MFN2: variants seen among roughly 807,000 people sequenced by gnomAD.
The protein encoded by MFN2 is mitofusin 2.
Under a neutral mutation model 87.5 loss-of-function variants are expected in MFN2, and 43 were observed. The ratio of observed to expected loss-of-function variants is 0.49; its 90% CI spans 0.38 to 0.63. The LOEUF (loss-of-function observed/expected upper bound fraction) is 0.63. MFN2 is among the 30% of genes least tolerant of loss of function. MFN2 has a pLI of 0.00. For missense variants in MFN2, 743 were observed against 972.8 expected, an observed-to-expected ratio of 0.76 and a Z score of 3.14; for synonymous variants, 337 against 359.9, an observed-to-expected ratio of 0.94 and a Z score of 0.72.
At chr1:11,993,447 A>G (rs1638778673) in intron 4 of MFN2, among the ~76,000 whole-genome samples, 1 of 152,190 alleles carries the variant, frequency 6.6e-6, no homozygotes, top group African/African-American at 2.4e-5. Context: ...CAAAGAATCT[A>G]AAAATATGCC....
intron 2 of MFN2, among the ~76,000 whole-genome samples, chr1:11,986,215 G>GATT (rs1638400273): frequency 1.3e-5 from 2 of 152,160 alleles, no homozygotes; most frequent in African/African-American, 4.8e-5. Context: ...TACCTCTTCC[G>GATT]GGTGTTCTTT....
rs1184895463 is a variant in MFN2 at position 12,003,620 on chromosome 1, T to A, written c.1161-372T>A. On this transcript the variant is annotated intron_variant, in intron 11 of 18. Coordinates refer to ENST00000235329, the MANE Select transcript of MFN2 (RefSeq NM_014874.4). This position sits in a 1 kb window ranked among gnomAD's most constrained non-coding sequence, Gnocchi z 4.1. ...TGGAGGTTGCAGTGAGTGGAGATCG[T>A]GCCATTGCACTCCAGCCTGGGCAAC... Among the ~76,000 whole-genome samples the A allele has an allele frequency of 6.7e-6, 1 of 150,016 alleles. No individual in the cohort carries two copies. Among genetic ancestry groups the A allele is most frequent in the African/African-American group, 2.5e-5 (1 of 40,548 alleles).
At chr1:11,988,084 T>TTGTG (rs112373136) in intron 2 of MFN2, among the ~76,000 whole-genome samples, 21 of 144,340 alleles carry the variant, frequency 1.5e-4, no homozygotes, top group African/African-American at 4.5e-4. Context: ...CCAATAGTTT[T>TTGTG]TGTGTGTGTG....
rs546254672 is a variant in MFN2, at chr1:11,992,551, C to G, written c.176-4C>G. Reference sequence around the variant, plus strand: ...GGTGACCCATTTTCAATCCCCACCTCCAGACACGTACAGGAATGCAGAACT... The same window carrying G: ...GGTGACCCATTTTCAATCCCCACCTGCAGACACGTACAGGAATGCAGAACT... On this transcript the variant is annotated splice_region_variant and splice_polypyrimidine_tract_variant and intron_variant, in intron 3 of 18. Coordinates refer to ENST00000235329, the MANE Select transcript of MFN2 (RefSeq NM_014874.4). The G allele has an allele frequency of 6.2e-7, 1 of 1,614,182 alleles. No homozygotes were observed. The highest frequency in any genetic ancestry group is 2.2e-5 in the East Asian group (1 of 44,880).
At chr1:11,984,105 G>T (rs374097381) in intron 2 of MFN2, among the ~76,000 whole-genome samples, 1 of 152,236 alleles carries the variant, frequency 6.6e-6, no homozygotes, top group East Asian at 1.9e-4. Flanking sequence ...TGTACACGCT[G>T]TCGAGTCTTG....
chr1:11,989,858 A>G (rs114741339), intron 3 of MFN2, among the ~76,000 whole-genome samples: 2,242 of 152,242 alleles, frequency 0.015, 31 homozygotes, highest in Non-Finnish European at 0.023. Context: ...ACTAGTTACT[A>G]ATTTGAGCCC....
intron 2 of MFN2, among the ~76,000 whole-genome samples, chr1:11,988,512 T>C (rs1638528803): frequency 6.6e-6 from 1 of 151,846 alleles, no homozygotes; most frequent in South Asian, 2.1e-4. Context: ...GTGCTGGGAT[T>C]ATAGGTATGA....
At chr1:11,995,654 G>A (rs905100579) in intron 4 of MFN2, among the ~76,000 whole-genome samples, 3 of 151,398 alleles carry the variant, frequency 2.0e-5, no homozygotes, top group Non-Finnish European at 2.9e-5. Context: ...AAAAAAAAAA[G>A]AATGAGAAAG....
Position 11,998,780 on chromosome 1 carries a change from G to A in MFN2, c.610G>A (p.Asp204Asn), listed in dbSNP as rs781651055. ...DLVLMDSPGI[D>N]VTTELDSWID... ...CCCTGTCACCTTTAGCCCTGGTATTGATGTCACCACAGAGCTGGACAGCTG... is the reference window on the plus strand; with the variant it reads ...CCCTGTCACCTTTAGCCCTGGTATTAATGTCACCACAGAGCTGGACAGCTG... The change falls in exon 7 of 19, where the codon GAT becomes AAT. Residue 204 changes from aspartate to asparagine, a missense_variant. Around this residue, in one of 3 missense-constraint regions of MFN2, gnomAD observed 141 missense variants for 278.9 expected, o/e 0.51. Transcript: ENST00000235329. 5 of 1,614,112 alleles carry A rather than the reference G, an allele frequency of 3.1e-6. No individual in the cohort carries two copies. The Admixed American group carries it at 6.7e-5, about 22-fold the overall frequency.
At chr1:12,006,495 A>T (rs756453302) in intron 15 of MFN2, 43 bp from the exon 16 acceptor site, 2 of 1,610,662 alleles carry the variant, frequency 1.2e-6, no homozygotes, top group Non-Finnish European at 1.7e-6. Context: ...TGAATGAGAG[A>T]CTCAATACGT....
intron 3 of MFN2, among the ~76,000 whole-genome samples, chr1:11,990,748 T>C (rs1407533441): frequency 6.6e-6 from 1 of 152,132 alleles, no homozygotes; most frequent in Non-Finnish European, 1.5e-5. Context: ...GGCTCTCGCT[T>C]TTAAGTGTAG....
Position 12,013,422 on chromosome 1 carries a change from T to C in MFN2, c.*1857T>C, listed in dbSNP as rs1429202873. The stretch of plus-strand genomic sequence containing the variant: ...TGCTGACACAGTGAGTTTTCTCTGA[T>C]GTATTTAAGGTGATGTATTTGCTTG... On this transcript the variant is annotated 3_prime_UTR_variant, in exon 19 of 19. Transcript: ENST00000235329. 6.4e-6 allele frequency: 3 copies of C among 470,008 alleles called. No individual in the cohort carries two copies. The highest frequency in any genetic ancestry group is 2.4e-5 in the Admixed American group (1 of 42,144). 29.1% of individuals were successfully genotyped at this position (470,008 alleles called of 1,614,324 possible). A position where few individuals can be genotyped will look rare whatever the true frequency, so the allele number is the denominator to read the frequency against.
chr1:11,991,720 C>G (rs895587921), intron 3 of MFN2, among the ~76,000 whole-genome samples: 10 of 151,744 alleles, frequency 6.6e-5, no homozygotes, highest in African/African-American at 2.2e-4. Flanking sequence ...GTCAGGAGAT[C>G]GAGACCATCC....
rs141914119 is a variant in MFN2, at chr1:11,984,366, GGAGA to G, written c.-5+2256_-5+2259del. Among the ~76,000 whole-genome samples the G allele has an allele frequency of 4.5e-3, 683 of 152,282 alleles. 8 individuals carry two copies. The highest frequency in any genetic ancestry group is 0.042 in the East Asian group (219 of 5,186). On this transcript the variant is annotated intron_variant, in intron 2 of 18. Transcript: ENST00000235329. ...CCCTCCCTGAAGGCTGGGTGTTCATGGAGAGAGTCTTGTGATCTTGCTGGTAGAG... is the reference window on the plus strand; with the variant it reads ...CCCTCCCTGAAGGCTGGGTGTTCATGGAGTCTTGTGATCTTGCTGGTAGAG...
chr1:11,990,744 C>T (rs542788392), intron 3 of MFN2, among the ~76,000 whole-genome samples: 7 of 152,256 alleles, frequency 4.6e-5, no homozygotes, highest in African/African-American at 1.2e-4. Flanking sequence ...TGCTGGCTCT[C>T]GCTTTTAAGT....
chr1:12,007,958 A>G (rs1436266701), intron 17 of MFN2, among the ~76,000 whole-genome samples: 1 of 152,014 alleles, frequency 6.6e-6, no homozygotes, highest in Non-Finnish European at 1.5e-5. Context: ...GACTCTTGAC[A>G]AGCATGCTGC....
Position 11,996,312 on chromosome 1 carries a change from T to G in MFN2, c.468T>G (p.Ser156Arg). ...LLTEGSEEKR[S>R]AKTVNQLAHA... ...CCGAGGGCTCAGAGGAAAAGAGGAGTGCCAAGGTGAGGGTGCCAGGCTGGC... is the reference window on the plus strand; with the variant it reads ...CCGAGGGCTCAGAGGAAAAGAGGAGGGCCAAGGTGAGGGTGCCAGGCTGGC... Residue 156 changes from serine to arginine, a missense_variant, in exon 5 of 19, where the codon AGT becomes AGG. Transcript: ENST00000235329. 6.2e-7 allele frequency: 1 copy of G among 1,613,764 alleles called. No homozygotes were observed. The highest frequency in any genetic ancestry group is 8.5e-7 in the Non-Finnish European group (1 of 1,179,944).
intron 18 of MFN2, 59 bp from the exon 19 acceptor site, chr1:12,011,437 T>G (rs1049401926): frequency 6.4e-6 from 10 of 1,560,036 alleles, no homozygotes; most frequent in Middle Eastern, 1.7e-4. Context: ...GCCTGGCGGG[T>G]AGTCCTAATA....
intron 17 of MFN2, among the ~76,000 whole-genome samples, chr1:12,008,654 G>T (rs1319475061): frequency 2.0e-5 from 3 of 152,012 alleles, no homozygotes; most frequent in African/African-American, 4.8e-5. Flanking sequence ...AGACGGGGTG[G>T]TGGGGCAGAG....
Sources: allele counts gnomAD v4.1 joint callset (sites outside exome capture counted in the v4.1 genomes callset), GRCh38; gene constraint gnomAD v4.1.1; regional missense constraint gnomAD v4.1.1; non-coding constraint Gnocchi (gnomAD v3.1); transcripts MANE v1.5; gene names NCBI Gene and HGNC (gene_info 2026-07-23, HGNC 2026-07-21).